The following TASP1 variants were observed in gnomAD, a reference collection of about 807,000 sequenced individuals.
The protein encoded by TASP1 is threonine aspartase 1.
A neutral mutation model predicts 56.6 loss-of-function variants in TASP1; 16 were observed. The ratio of observed to expected loss-of-function variants is 0.28; its 90% CI spans 0.19 to 0.43. The LOEUF is 0.43. Among genes scored for constraint, TASP1 ranks in the 20% least tolerant of loss-of-function variants. The pLI is 1.00. For synonymous variants in TASP1, 179 were observed against 184.2 expected, an observed-to-expected ratio of 0.97 and a Z score of 0.23; for missense variants, 393 against 511.6, an observed-to-expected ratio of 0.77 and a Z score of 2.24.
intron 4 of TASP1, among the ~76,000 whole-genome samples, chr20:13,592,990 A>T (rs2047590645): frequency 6.6e-6 from 1 of 152,200 alleles, no homozygotes; most frequent in Non-Finnish European, 1.5e-5. Flanking sequence ...GTAATACAAG[A>T]CTAGTCCAAC....
At chr20:13,620,302 A>T (rs920199039) in intron 4 of TASP1, among the ~76,000 whole-genome samples, 11 of 151,800 alleles carry the variant, frequency 7.2e-5, no homozygotes, top group African/African-American at 2.7e-4. Flanking sequence ...ACACACACAT[A>T]CATATACACA....
chr20:13,329,281 G>T, the TASP1 span, among the ~76,000 whole-genome samples: 1 of 152,204 alleles, frequency 6.6e-6, no homozygotes, highest in Non-Finnish European at 1.5e-5. Flanking sequence ...CAGGTAAAAT[G>T]AGGTAATTAG....
At chr20:13,543,626 T>G (rs1297759623) in intron 8 of TASP1, among the ~76,000 whole-genome samples, 1 of 151,986 alleles carries the variant, frequency 6.6e-6, no homozygotes, top group Non-Finnish European at 1.5e-5. Context: ...TTGAATCACT[T>G]CCCGACCAAA....
At chr20:13,617,827 A>G (rs2047747458) in intron 4 of TASP1, among the ~76,000 whole-genome samples, 1 of 152,016 alleles carries the variant, frequency 6.6e-6, no homozygotes, top group Admixed American at 6.6e-5. Context: ...TGAAAAGGGA[A>G]ATTATCGGCC....
At chr20:13,237,353 A>G in the TASP1 span, among the ~76,000 whole-genome samples, 1 of 152,282 alleles carries the variant, frequency 6.6e-6, no homozygotes, top group Non-Finnish European at 1.5e-5. Flanking sequence ...TGCCATCAAC[A>G]GAATGGATAA....
chr20:13,297,684 T>C, the TASP1 span, among the ~76,000 whole-genome samples: 9 of 152,338 alleles, frequency 5.9e-5, no homozygotes, highest in East Asian at 9.6e-4. Flanking sequence ...GTTGTTCCCA[T>C]GGGAGAATGC....
chr20:13,365,726 T>C, the TASP1 span, among the ~76,000 whole-genome samples: 1 of 152,120 alleles, frequency 6.6e-6, no homozygotes, highest in African/African-American at 2.4e-5. Flanking sequence ...GAAGATCTTG[T>C]AGGGTATGGT....
At chr20:13,186,857 A>C in the TASP1 span, among the ~76,000 whole-genome samples, 1 of 152,244 alleles carries the variant, frequency 6.6e-6, no homozygotes, top group Non-Finnish European at 1.5e-5. Context: ...AAGGCATGCC[A>C]AAAGAAGAAA....
At chr20:13,563,051 CACA>C (rs1242505988) in intron 7 of TASP1, among the ~76,000 whole-genome samples, 2 of 145,040 alleles carry the variant, frequency 1.4e-5, no homozygotes, top group African/African-American at 2.5e-5. Flanking sequence ...TATACACATA[CACA>C]ACACACACAC....
intron 7 of TASP1, among the ~76,000 whole-genome samples, chr20:13,562,866 C>T (rs1466188760): frequency 4.1e-5 from 6 of 145,618 alleles, no homozygotes; most frequent in African/African-American, 1.5e-4. Context: ...AAGAGCAAGA[C>T]CTTGTCTCAA....
At chr20:13,245,630 C>A in the TASP1 span, among the ~76,000 whole-genome samples, 9 of 152,206 alleles carry the variant, frequency 5.9e-5, no homozygotes, top group Non-Finnish European at 1.3e-4. Flanking sequence ...AGTTCCCCTG[C>A]ACACTCTAGT....
chr20:13,278,193 G>C, the TASP1 span, among the ~76,000 whole-genome samples: 1 of 152,164 alleles, frequency 6.6e-6, no homozygotes, highest in East Asian at 1.9e-4. Context: ...TTTTAAACAA[G>C]TCTCTCTACG....
chr20:13,562,349 GT>G (rs1423848224), intron 7 of TASP1, among the ~76,000 whole-genome samples: 3 of 151,966 alleles, frequency 2.0e-5, no homozygotes, highest in African/African-American at 7.3e-5. Context: ...TAAGGGACTA[GT>G]AAAAGAAGAA....
In TASP1 at chr20:13,392,697, TA is replaced by T. The variant is rs1205220192; in HGVS notation, c.1171-2246del. ...TCCCTGGTGAAGGTGAAGGCCAAAG[TA>T]AAAAGATTTGGCAGTATCGGGCGCT... On this transcript the variant is annotated intron_variant, in intron 13 of 13. Transcript: ENST00000337743. The T allele has an allele frequency of 5.5e-6, 3 of 541,584 alleles. No individual in the cohort carries two copies. In the African/African-American group the frequency reaches 5.7e-5, roughly 10 times the overall value. The allele number at this position is 541,584 out of a possible 1,614,324, so 33.5% of individuals were successfully genotyped here.
the TASP1 span, among the ~76,000 whole-genome samples, chr20:13,175,482 G>A: frequency 6.6e-6 from 1 of 152,056 alleles, no homozygotes; most frequent in Non-Finnish European, 1.5e-5. Flanking sequence ...GAAGACTTAG[G>A]CAACAAAGAT....
chr20:13,273,215 T>TTTA, the TASP1 span, among the ~76,000 whole-genome samples: 2 of 130,628 alleles, frequency 1.5e-5, no homozygotes, highest in African/African-American at 6.3e-5. Context: ...ACTTGGGTCT[T>TTTA]TTTTATTTTA....
chr20:13,530,397 C>A (rs1410941841), intron 9 of TASP1, among the ~76,000 whole-genome samples: 1 of 152,188 alleles, frequency 6.6e-6, no homozygotes, highest in African/African-American at 2.4e-5. Flanking sequence ...GAAAGCCCTT[C>A]AGAAGTGATT....
At chr20:13,404,828 TTTCA>T (rs1477633624) in intron 13 of TASP1, among the ~76,000 whole-genome samples, 1 of 152,214 alleles carries the variant, frequency 6.6e-6, no homozygotes, top group Non-Finnish European at 1.5e-5. Flanking sequence ...TTAATTTATC[TTTCA>T]TTTACATTTT....
chr20:13,335,035 G>C, the TASP1 span, among the ~76,000 whole-genome samples: 1 of 152,186 alleles, frequency 6.6e-6, no homozygotes, highest in Non-Finnish European at 1.5e-5. Context: ...TATAAGCAGT[G>C]AGTATTTCAA....
Sources: allele counts gnomAD v4.1 joint callset (sites outside exome capture counted in the v4.1 genomes callset), GRCh38; gene constraint gnomAD v4.1.1; transcripts MANE v1.5; gene names NCBI Gene and HGNC (gene_info 2026-07-23, HGNC 2026-07-21).